The following FGD6 variants were observed in gnomAD, a reference collection of about 807,000 sequenced individuals.
FGD6 encodes the protein FYVE, RhoGEF and PH domain containing 6.
In FGD6, 90 loss-of-function variants were observed where a neutral mutation model predicts 149.4. That is an observed-to-expected ratio of 0.60 (90% CI 0.51 to 0.72). The LOEUF (loss-of-function observed/expected upper bound fraction) is 0.72, where lower values mean the gene tolerates loss of function less well. Ranked by LOEUF, FGD6 falls within the 30% of genes least tolerant of loss-of-function variation. FGD6 has a pLI of 0.00. For missense variants in FGD6, 1,437 were observed against 1,684.8 expected (o/e 0.85, Z 2.57); for synonymous variants, 527 against 584.0 (o/e 0.90, Z 1.41).
intron 5 of FGD6, among the ~76,000 whole-genome samples, chr12:95,152,197 G>C (rs1309309570): frequency 1.3e-5 from 2 of 152,000 alleles, no homozygotes; most frequent in African/African-American, 4.8e-5. Flanking sequence ...ATGGTGGTGA[G>C]TGCCTGTAGT....
chr12:95,151,055 C>T (rs554032660), intron 5 of FGD6, among the ~76,000 whole-genome samples: 112 of 151,352 alleles, frequency 7.4e-4, no homozygotes, highest in Non-Finnish European at 1.3e-3. Context: ...ATCATGCCAC[C>T]GCACTCCAGC....
rs536459357 is a variant in FGD6 at position 95,138,539 on chromosome 12, T to C, written c.2838-861A>G. Among the ~76,000 whole-genome samples, 57 of 149,808 alleles carry C rather than the reference T, an allele frequency of 3.8e-4. No individual in the cohort carries two copies. The East Asian group carries it at 0.01, about 27-fold the overall frequency. ...CAGCCTAGGCGACAGAGTGAGACAA[T>C]GTCTCAAAAGAAAAAGAAAAAAAAA... On this transcript the variant is annotated intron_variant, in intron 6 of 20. Coordinates refer to ENST00000343958, the MANE Select transcript of FGD6 (RefSeq NM_018351.4).
In FGD6 at chr12:95,209,311, G is replaced by T; in HGVS notation, c.1973C>A (p.Thr658Asn). Residue 658 changes from threonine to asparagine, a missense_variant, in exon 2 of 21, where the codon ACC (threonine) becomes AAC (asparagine). Thr to Asn is a moderately conservative substitution (Grantham distance 65). This residue lies in a region of FGD6 where 1,055 missense variants were observed against 1,146.0 expected (regional missense o/e 0.92). Transcript: ENST00000343958. ...CTCCCCACTGGAGAGGTGGCCTGTG[G>T]TGGTGTCTCCGAGTTGGCTACTCTT... ...WSKSSQLGDTTTGHLSSGEQK... is the reference protein window; with the variant it reads ...WSKSSQLGDTNTGHLSSGEQK... 5 of 1,613,878 alleles carry T rather than the reference G, an allele frequency of 3.1e-6. No homozygotes were observed. The highest frequency in any genetic ancestry group is 4.2e-6 in the Non-Finnish European group (5 of 1,179,944).
chr12:95,138,523 C>T (rs999282850), intron 6 of FGD6, among the ~76,000 whole-genome samples: 3 of 150,266 alleles, frequency 2.0e-5, no homozygotes, highest in Non-Finnish European at 3.0e-5. Context: ...CCAGCCTAGG[C>T]GACAGAGTGA....
chr12:95,155,062 C>T (rs1160286416), intron 3 of FGD6, among the ~76,000 whole-genome samples: 2 of 151,958 alleles, frequency 1.3e-5, no homozygotes, highest in East Asian at 3.9e-4. Context: ...CAATGAAACC[C>T]TTCTGAAAAT....
intron 2 of FGD6, among the ~76,000 whole-genome samples, chr12:95,173,300 A>G (rs1259358609): frequency 3.9e-5 from 6 of 152,184 alleles, no homozygotes; most frequent in African/African-American, 1.4e-4. Flanking sequence ...AATGTTACAA[A>G]TTCTCAGATT....
In FGD6 at chr12:95,208,261, A is replaced by T. The variant is rs570208574; in HGVS notation, c.2441+582T>A. ...AGTAAGACCTCATCTCAAAAAAAAA[A>T]TTTTTTTTTAATTAAATTATTTTAA... On this transcript the variant is annotated intron_variant, in intron 2 of 20. Transcript: ENST00000343958. 5.8e-3 allele frequency among the ~76,000 whole-genome samples: 883 copies of T among 151,656 alleles called. 7 individuals are homozygous for T. The highest frequency in any genetic ancestry group is 0.019 in the African/African-American group (798 of 41,308).
intron 8 of FGD6, among the ~76,000 whole-genome samples, chr12:95,120,677 ACT>A (rs1013090131): frequency 3.3e-5 from 5 of 152,072 alleles, no homozygotes; most frequent in Non-Finnish European, 5.9e-5. Flanking sequence ...ACAGAGTGAA[ACT>A]CCACCTCAAA....
chr12:95,150,672 G>C (rs182589146), intron 5 of FGD6, among the ~76,000 whole-genome samples: 1 of 151,790 alleles, frequency 6.6e-6, no homozygotes, highest in East Asian at 1.9e-4. Context: ...GTGCAGTGGT[G>C]CAATCAGCTC....
At chr12:95,130,717 T>TA (rs1401463305) in intron 8 of FGD6, among the ~76,000 whole-genome samples, 2 of 151,190 alleles carry the variant, frequency 1.3e-5, no homozygotes, top group Non-Finnish European at 2.9e-5. Context: ...TGTTTTTACA[T>TA]AAAATTTAAA....
intron 5 of FGD6, among the ~76,000 whole-genome samples, chr12:95,147,659 G>A (rs1284799058): frequency 6.6e-6 from 1 of 152,118 alleles, no homozygotes; most frequent in Non-Finnish European, 1.5e-5. Context: ...CAAGGGCTCA[G>A]ACAGACCAGA....
At chr12:95,137,092 A>G (rs1296191305) in intron 7 of FGD6, among the ~76,000 whole-genome samples, 2 of 152,178 alleles carry the variant, frequency 1.3e-5, no homozygotes, top group Non-Finnish European at 2.9e-5. Flanking sequence ...AGCCTGGCCA[A>G]TGTGGTGAAA....
chr12:95,208,492 T>C (rs2056704358), intron 2 of FGD6, among the ~76,000 whole-genome samples: 1 of 152,134 alleles, frequency 6.6e-6, no homozygotes, highest in Admixed American at 6.5e-5. Flanking sequence ...AGCAAATAAA[T>C]GTCATTGAAT....
At chr12:95,179,813 T>C (rs1881228627) in intron 2 of FGD6, among the ~76,000 whole-genome samples, 1 of 152,150 alleles carries the variant, frequency 6.6e-6, no homozygotes, top group Admixed American at 6.5e-5. Context: ...TTTAATTTGT[T>C]TAGTAATTAC....
In FGD6 at chr12:95,089,848, G is replaced by C. The variant is rs983792363; in HGVS notation, c.3851-152C>G. 8 of 924,814 alleles carry C rather than the reference G, an allele frequency of 8.7e-6. No individual in the cohort carries two copies. In the African/African-American group the frequency reaches 1.0e-4, roughly 12 times the overall value. The allele number at this position is 924,814 out of a possible 1,614,324, so 57.3% of individuals were successfully genotyped here. A position where few individuals can be genotyped will look rare whatever the true frequency, so the allele number is the denominator to read the frequency against. ...CCTGGAAAAGGACAATGGATGGCTGGGAGTTGAGTGGCAGGAAGACTTTCT... is the reference window on the plus strand; with the variant it reads ...CCTGGAAAAGGACAATGGATGGCTGCGAGTTGAGTGGCAGGAAGACTTTCT... On this transcript the variant is annotated intron_variant, in intron 17 of 20. Transcript: ENST00000343958.
intron 3 of FGD6, among the ~76,000 whole-genome samples, chr12:95,163,829 T>G (rs1314049553): frequency 6.6e-6 from 1 of 152,122 alleles, no homozygotes; most frequent in East Asian, 1.9e-4. Flanking sequence ...TAAAAATTAT[T>G]AGAAATAAGT....
chr12:95,152,403 A>G (rs1880338014), intron 5 of FGD6, among the ~76,000 whole-genome samples: 1 of 152,196 alleles, frequency 6.6e-6, no homozygotes, highest in Admixed American at 6.6e-5. Context: ...AAAAATGTCT[A>G]TTTCTAATCT....
intron 8 of FGD6, among the ~76,000 whole-genome samples, chr12:95,122,200 T>G (rs1879211461): frequency 6.6e-6 from 1 of 152,206 alleles, no homozygotes; most frequent in Non-Finnish European, 1.5e-5. Flanking sequence ...AAGTTAAGTT[T>G]AATGAGAATA....
intron 8 of FGD6, among the ~76,000 whole-genome samples, chr12:95,133,919 G>T (rs929150234): frequency 6.6e-5 from 10 of 152,126 alleles, no homozygotes; most frequent in Admixed American, 2.0e-4. Flanking sequence ...ATAAAGGCCT[G>T]ATTACAGCAA....
Sources: gnomAD v4.1 joint callset for allele counts (sites outside exome capture counted in the v4.1 genomes callset) on GRCh38, gnomAD v4.1.1 for gene constraint, gnomAD v4.1.1 regional missense constraint, MANE v1.5 for transcripts, NCBI Gene and HGNC (gene_info 2026-07-23, HGNC 2026-07-21) for gene names.